The following NOTCH4 variants were observed in gnomAD, a reference collection of about 807,000 sequenced individuals.
NOTCH4 encodes neurogenic locus notch homolog protein 4.
In NOTCH4, 138 loss-of-function variants were observed where a neutral mutation model predicts 189.0. The ratio of observed to expected loss-of-function variants is 0.73; its 90% CI spans 0.64 to 0.84. NOTCH4 has a LOEUF of 0.84. Among genes scored for constraint, NOTCH4 ranks in the 40% least tolerant of loss-of-function variants. NOTCH4 has a pLI of 0.00. For missense variants in NOTCH4, 2,286 were observed against 2,605.4 expected, an observed-to-expected ratio of 0.88 and a Z score of 2.67; for synonymous variants, 942 against 1,032.8, an observed-to-expected ratio of 0.91 and a Z score of 1.69.
rs1183065959 is a variant in NOTCH4 at position 32,200,483 on chromosome 6, A to T, written c.4315+348T>A. On this transcript the variant is annotated intron_variant, in intron 23 of 29. Transcript: ENST00000375023. The surrounding 1 kb of genome is among the most constrained non-coding windows in gnomAD (Gnocchi z 5.0). ...CTTGGTCTCCCAACGTGCTGGGATT[A>T]TAGGCATGAGCCACTGCGCCCAGCC... Among the ~76,000 whole-genome samples, 1 of 152,238 alleles carries T rather than the reference A, an allele frequency of 6.6e-6. No individual in the cohort carries two copies. Among genetic ancestry groups the T allele is most frequent in the Non-Finnish European group, 1.5e-5 (1 of 68,048 alleles).
rs1788401353 is a variant in NOTCH4 at position 32,202,292 on chromosome 6, C to A, written c.3539G>T (p.Gly1180Val). The A allele has an allele frequency of 6.2e-7, 1 of 1,605,462 alleles. No individual in the cohort carries two copies. Among genetic ancestry groups the A allele is most frequent in the African/African-American group, 1.3e-5 (1 of 74,868 alleles). ...CQKPGAKGCE[G>V]RSGDGACDAG... ...ATCGCAGGCCCCATCTCCACTTCTG[C>A]CCTCACACCCCTTGGCTCCGGGTTT... Residue 1180 changes from glycine to valine, a missense_variant, in exon 21 of 30, where the codon GGC (glycine) becomes GTC (valine). Gly to Val is a moderately radical substitution (Grantham distance 109, BLOSUM62 -3). Transcript: ENST00000375023. This position sits in a 1 kb window ranked among gnomAD's most constrained non-coding sequence, Gnocchi z 5.7.
chr6:32,194,917 G>C lies in NOTCH4; in HGVS notation c.*520C>G, dbSNP rs72846305. 4.3e-6 allele frequency: 1 copy of C among 234,484 alleles called. No homozygotes were observed. Among genetic ancestry groups the C allele is most frequent in the Non-Finnish European group, 8.4e-6 (1 of 118,978 alleles). 14.5% of individuals were successfully genotyped at this position (234,484 alleles called of 1,614,324 possible). On this transcript the variant is annotated 3_prime_UTR_variant, in exon 30 of 30. Transcript: ENST00000375023. The surrounding 1 kb of genome is among the most constrained non-coding windows in gnomAD (Gnocchi z 4.5). ...ATAGCGATAGCAGTGGCTAGAAGAA[G>C]CGCTTCATCCCCACAGTGGAGTTCT...
chr6:32,196,934 C>T lies in NOTCH4; in HGVS notation c.5191G>A (p.Asp1731Asn), dbSNP rs748538853. Residue 1731 changes from aspartate (D) to asparagine (N), a missense_variant, in exon 28 of 30, where the codon GAT becomes AAT. Around this residue, in one of 2 missense-constraint regions of NOTCH4, gnomAD observed 1,903 missense variants for 2,261.9 expected, o/e 0.84. Transcript: ENST00000375023. ...CCCTTCCTCTACATACCCCATTTAT[C>T]TCTGGCCCCCACGTCTGCTTGGGCT... Reference protein sequence around the residue: ...IAAQADVGARDKWGKTALHWA... With the variant: ...IAAQADVGARNKWGKTALHWA... The T allele has an allele frequency of 3.1e-6, 5 of 1,612,982 alleles. No individual in the cohort carries two copies. Among genetic ancestry groups the T allele is most frequent in the South Asian group, 1.1e-5 (1 of 91,082 alleles).
chr6:32,200,359 C>T lies in NOTCH4; in HGVS notation c.4315+472G>A, dbSNP rs1260160123. Among the ~76,000 whole-genome samples the T allele has an allele frequency of 2.0e-5, 3 of 152,062 alleles. No individual in the cohort carries two copies. The highest frequency in any genetic ancestry group is 2.4e-5 in the African/African-American group (1 of 41,416). ...CTGAGTAGCTGAGACTACAAGCACC[C>T]GCCACCACAGCCGGCTAATTTTTTT... is the stretch of plus-strand genomic sequence containing the variant. On this transcript the variant is annotated intron_variant, in intron 23 of 29. Transcript: ENST00000375023. This position sits in a 1 kb window ranked among gnomAD's most constrained non-coding sequence, Gnocchi z 5.0.
chr6:32,205,591 A>G (rs1391283785), intron 18 of NOTCH4, among the ~76,000 whole-genome samples: 1 of 150,448 alleles, frequency 6.6e-6, no homozygotes, highest in East Asian at 2.0e-4. Flanking sequence ...AAAGCTGAGT[A>G]ATGGGTGCCC....
Position 32,196,324 on chromosome 6 carries a change from C to A in NOTCH4, c.5298G>T (p.Arg1766Ser). The A allele has an allele frequency of 6.2e-7, 1 of 1,613,142 alleles. No homozygotes were observed. The highest frequency in any genetic ancestry group is 8.5e-7 in the Non-Finnish European group (1 of 1,180,038). ...AGADKDAQDNREQTPLFLAAR... is the reference protein window; with the variant it reads ...AGADKDAQDNSEQTPLFLAAR... Reference sequence around the variant, plus strand: ...TGGGAAGCCCTCTGTCCCATCTAACCCTGTTGTCCTGGGCATCTTTATCGG... The same window carrying A: ...TGGGAAGCCCTCTGTCCCATCTAACACTGTTGTCCTGGGCATCTTTATCGG... The change falls in exon 29 of 30, where the codon AGG (arginine) becomes AGT (serine). Residue 1766 changes from arginine (R) to serine (S), a missense_variant and splice_region_variant. By Grantham distance (110) the Arg-to-Ser change is moderately radical. Transcript: ENST00000375023.
At chr6:32,206,923 T>C (rs1392724964) in intron 18 of NOTCH4, among the ~76,000 whole-genome samples, 1 of 151,652 alleles carries the variant, frequency 6.6e-6, no homozygotes, top group African/African-American at 2.4e-5. Flanking sequence ...TACTTTCTTT[T>C]TTCTTTTCTT....
rs576453292 is a variant in NOTCH4 at position 32,204,189 on chromosome 6, G to C, written c.3066C>G (p.Ala1022=). 23 of 1,612,992 alleles carry C rather than the reference G, an allele frequency of 1.4e-5. No individual in the cohort carries two copies. In the East Asian group the frequency reaches 4.5e-4, roughly 31 times the overall value. The change falls in exon 19 of 30, where the codon GCC becomes GCG. Residue 1022 remains alanine, a synonymous_variant. Transcript: ENST00000375023. The part of the protein sequence containing the change: ...DQPCHPTGTA[A]CHSLANAFYC... ...AGAAGGCATTGGCCAGAGAGTGGCAGGCTGCAGTGCCTGTGGGGTGGCAGG... is the reference window on the plus strand; with the variant it reads ...AGAAGGCATTGGCCAGAGAGTGGCACGCTGCAGTGCCTGTGGGGTGGCAGG...
chr6:32,200,082 G>A lies in NOTCH4; in HGVS notation c.4315+749C>T, dbSNP rs1788243421. Among the ~76,000 whole-genome samples the A allele has an allele frequency of 1.3e-5, 2 of 152,254 alleles. No individual in the cohort carries two copies. Among genetic ancestry groups the A allele is most frequent in the African/African-American group, 4.8e-5 (2 of 41,540 alleles). ...TAAATCCGAAATCTGAAACACTTTTGTTCCCAAGCATTTCAGATAAGGGAT... is the reference window on the plus strand; with the variant it reads ...TAAATCCGAAATCTGAAACACTTTTATTCCCAAGCATTTCAGATAAGGGAT... On this transcript the variant is annotated intron_variant, in intron 23 of 29. Transcript: ENST00000375023. This position sits in a 1 kb window ranked among gnomAD's most constrained non-coding sequence, Gnocchi z 5.0.
At chr6:32,214,000 G>T in intron 13 of NOTCH4, 110 bp downstream of exon 13, 1 of 1,441,714 alleles carries the variant, frequency 6.9e-7, no homozygotes, top group Non-Finnish European at 9.5e-7. Context: ...GTCCCCTGCA[G>T]TCCAGTTCTC....
In NOTCH4 at chr6:32,197,284, TCA is replaced by T. The variant is rs1561912181; in HGVS notation, c.5052+13_5052+14del. 6.6e-7 allele frequency: 1 copy of T among 1,519,826 alleles called. No homozygotes were observed. Among genetic ancestry groups the T allele is most frequent in the East Asian group, 2.3e-5 (1 of 44,140 alleles). 94.1% of individuals were successfully genotyped at this position (1,519,826 alleles called of 1,614,324 possible). ...GCTCGCCCCATTCCCTGTAGGGACC[TCA>T]GTGTGTGCTAACCTGGCAGACCTCC... On this transcript the variant is annotated intron_variant, in intron 27 of 29. Transcript: ENST00000375023.
rs1038029964 is a variant in NOTCH4, at chr6:32,204,006, G to A, written c.3119-124C>T. On this transcript the variant is annotated intron_variant, in intron 19 of 29. Transcript: ENST00000375023. ...GAAGGGATCCTGGGGCATCTTTTCTGGGCGGGGGTGGGCGTGGAGGCAGGG... is the reference window on the plus strand; with the variant it reads ...GAAGGGATCCTGGGGCATCTTTTCTAGGCGGGGGTGGGCGTGGAGGCAGGG... 8 of 1,404,902 alleles carry A rather than the reference G, an allele frequency of 5.7e-6. No individual in the cohort carries two copies. In the African/African-American group the frequency reaches 7.1e-5, roughly 12 times the overall value. The allele number at this position is 1,404,902 out of a possible 1,614,324, so 87.0% of individuals were successfully genotyped here. A position where few individuals can be genotyped will look rare whatever the true frequency, so the allele number is the denominator to read the frequency against.
Position 32,195,654 on chromosome 6 carries a change from C to T in NOTCH4, c.5795G>A (p.Gly1932Glu), listed in dbSNP as rs779137839. ...GCGCCCGGCAGCCACTCCGTATCTT[C>T]CTCGCATTATCGCAGGGTTGGGCCG... ...GPRPNPAIMR[G>E]RYGVAAGRGG... Residue 1932 changes from glycine (G) to glutamate (E), a missense_variant, in exon 30 of 30, where the codon GGA becomes GAA. Gly to Glu is a moderately conservative substitution (Grantham distance 98, BLOSUM62 -2). This residue lies in a region of NOTCH4 where 383 missense variants were observed against 343.5 expected (regional missense o/e 1.11). Coordinates refer to ENST00000375023, the MANE Select transcript of NOTCH4 (RefSeq NM_004557.4). This position sits in a 1 kb window ranked among gnomAD's most constrained non-coding sequence, Gnocchi z 5.4. 1 of 1,612,968 alleles carries T rather than the reference C, an allele frequency of 6.2e-7. No individual in the cohort carries two copies.
rs1437377189 is a variant in NOTCH4 at position 32,196,382 on chromosome 6, G to T, written c.5240C>A (p.Ala1747Asp). 4.3e-6 allele frequency: 7 copies of T among 1,613,022 alleles called. No homozygotes were observed. Among genetic ancestry groups the T allele is most frequent in the Non-Finnish European group, 5.9e-6 (7 of 1,180,042 alleles). Reference protein sequence around the residue: ...ALHWAAAVNNARAARSLLQAG... With the variant: ...ALHWAAAVNNDRAARSLLQAG... ...CTGGAGAAGCGAGCGGGCGGCTCGG[G>T]CGTTGTTCACGGCAGCAGCCCAGTG... Residue 1747 changes from alanine (A) to aspartate (D), a missense_variant, in exon 29 of 30, where the codon GCC becomes GAC. Ala to Asp is a moderately radical substitution (Grantham distance 126). Around this residue, in one of 2 missense-constraint regions of NOTCH4, gnomAD observed 1,903 missense variants for 2,261.9 expected, o/e 0.84. Transcript: ENST00000375023.
chr6:32,219,860 G>A (rs8192589), intron 7 of NOTCH4, 74 bp from the exon 8 acceptor site: 1 of 1,279,980 alleles, frequency 7.8e-7, no homozygotes, highest in African/African-American at 1.5e-5. Flanking sequence ...TGTCAGGGAA[G>A]GTGTGGGGGC....
rs2127491052 is a variant in NOTCH4, at chr6:32,222,709, G to A, written c.253C>T (p.Pro85Ser). 6.2e-7 allele frequency: 1 copy of A among 1,608,502 alleles called. No individual in the cohort carries two copies. Among genetic ancestry groups the A allele is most frequent in the South Asian group, 1.1e-5 (1 of 90,360 alleles). The change falls in exon 3 of 30, where the codon CCC becomes TCC. Residue 85 changes from proline to serine, a missense_variant. By Grantham distance (74) the Pro-to-Ser change is moderately conservative. This residue lies in a region of NOTCH4 where 1,903 missense variants were observed against 2,261.9 expected (regional missense o/e 0.84). Coordinates refer to ENST00000375023, the MANE Select transcript of NOTCH4 (RefSeq NM_004557.4). ...QNGGSCQALL[P>S]APLGLPSSPS... ...GAGCTGGGGAGCCCTAGGGGAGCGG[G>A]AAGCAGGGCTTGGCAGCTGCCTCCA... is the stretch of plus-strand genomic sequence containing the variant.
intron 15 of NOTCH4, 102 bp from the exon 16 acceptor site, chr6:32,213,013 C>T (rs1042635804): frequency 1.5e-6 from 2 of 1,301,294 alleles, no homozygotes; most frequent in African/African-American, 1.5e-5. Context: ...GGTGGCAAGC[C>T]AGGAGGGAAG....
Position 32,195,709 on chromosome 6 carries a change from G to T in NOTCH4, c.5740C>A (p.Arg1914Ser). The change falls in exon 30 of 30, where the codon CGT becomes AGT. Residue 1914 changes from arginine to serine, a missense_variant. Arg to Ser is a moderately radical substitution (Grantham distance 110). This residue lies in a region of NOTCH4 where 383 missense variants were observed against 343.5 expected (regional missense o/e 1.11). Transcript: ENST00000375023. The surrounding 1 kb of genome is among the most constrained non-coding windows in gnomAD (Gnocchi z 5.4). ...CCGCGCATGCCTGCAGAAAACCTACGGCCGCGAGGGGTCGGGCCTCCTCCT... is the reference window on the plus strand; with the variant it reads ...CCGCGCATGCCTGCAGAAAACCTACTGCCGCGAGGGGTCGGGCCTCCTCCT... ...GAGGGPTPRGRRFSAGMRGPR... is the reference protein window; with the variant it reads ...GAGGGPTPRGSRFSAGMRGPR... 6.2e-7 allele frequency: 1 copy of T among 1,612,880 alleles called. No individual in the cohort carries two copies. Among genetic ancestry groups the T allele is most frequent in the South Asian group, 1.1e-5 (1 of 91,072 alleles).
chr6:32,213,464 G>A (rs937273111), intron 14 of NOTCH4, among the ~76,000 whole-genome samples: 1 of 152,160 alleles, frequency 6.6e-6, no homozygotes, highest in Non-Finnish European at 1.5e-5. Flanking sequence ...GCTCACTGCA[G>A]TCTTAACCTT....
Sources: allele counts gnomAD v4.1 joint callset (sites outside exome capture counted in the v4.1 genomes callset), GRCh38; gene constraint gnomAD v4.1.1; regional missense constraint gnomAD v4.1.1; non-coding constraint Gnocchi (gnomAD v3.1); transcripts MANE v1.5; gene names NCBI Gene and HGNC (gene_info 2026-07-23, HGNC 2026-07-21).